DARS2: variants seen among roughly 807,000 people sequenced by gnomAD.
DARS2 encodes the protein aspartate--tRNA ligase, mitochondrial.
Under a neutral mutation model 83.0 loss-of-function variants are expected in DARS2, and 63 were observed. That is an observed-to-expected ratio of 0.76 (90% CI 0.62 to 0.94). The LOEUF is 0.94. Among genes scored for constraint, DARS2 ranks in the 40% least tolerant of loss-of-function variants. The pLI, the probability that DARS2 is intolerant of heterozygous loss-of-function variation, is 0.00. For synonymous variants in DARS2, 250 were observed against 269.3 expected, an observed-to-expected ratio of 0.93 and a Z score of 0.70; for missense variants, 675 against 774.4, an observed-to-expected ratio of 0.87 and a Z score of 1.52.
intron 7 of DARS2, among the ~76,000 whole-genome samples, chr1:173,835,589 G>T (rs1652974449): frequency 6.6e-6 from 1 of 151,626 alleles, no homozygotes; most frequent in South Asian, 2.1e-4. Flanking sequence ...TTATTTTAAA[G>T]AACAAATCTC....
At chr1:173,836,841 T>C in intron 7 of DARS2, 99 bp from the exon 8 acceptor site, 1 of 976,450 alleles carries the variant, frequency 1.0e-6, no homozygotes. Flanking sequence ...AGTCATTCAT[T>C]GATAAACTGA....
intron 3 of DARS2, among the ~76,000 whole-genome samples, chr1:173,828,730 A>T (rs1285100649): frequency 1.3e-5 from 2 of 152,196 alleles, no homozygotes; most frequent in Non-Finnish European, 2.9e-5. Flanking sequence ...TTGACAACAC[A>T]CTGTGTTTGG....
chr1:173,847,609 C>A (rs2102656367), intron 12 of DARS2, among the ~76,000 whole-genome samples: 1 of 152,028 alleles, frequency 6.6e-6, no homozygotes, highest in Non-Finnish European at 1.5e-5. Flanking sequence ...ACACATGGTT[C>A]AAAAAATAAA....
intron 12 of DARS2, among the ~76,000 whole-genome samples, chr1:173,846,257 G>A (rs1653431051): frequency 6.6e-6 from 1 of 152,134 alleles, no homozygotes; most frequent in Non-Finnish European, 1.5e-5. Flanking sequence ...CTTGAACACA[G>A]GAGGTGGAGG....
chr1:173,851,910 GA>G (rs749311234), intron 13 of DARS2: 99 of 985,078 alleles, frequency 1.0e-4, no homozygotes, highest in Non-Finnish European at 1.1e-4. Context: ...GTAAAATGAA[GA>G]AAGCTATTTA....
intron 8 of DARS2, 78 bp from the exon 9 acceptor site, chr1:173,838,112 A>G (rs1653074537): frequency 8.5e-7 from 1 of 1,172,860 alleles, no homozygotes; most frequent in Non-Finnish European, 1.3e-6. Context: ...TATAGCTTGC[A>G]TTGCTTTAAA....
intron 16 of DARS2, 65 bp downstream of exon 16, chr1:173,856,806 C>T: frequency 7.1e-7 from 1 of 1,418,232 alleles, no homozygotes; most frequent in South Asian, 1.2e-5. Flanking sequence ...TTCAGGTTCT[C>T]AGTTTGTGTT....
intron 11 of DARS2, among the ~76,000 whole-genome samples, chr1:173,844,861 T>C (rs536022377): frequency 9.2e-4 from 119 of 129,464 alleles, no homozygotes; most frequent in African/African-American, 3.3e-3. Context: ...TGGCACAATC[T>C]CGGCTCACTG....
At chr1:173,828,769 G>A (rs767609195) in intron 3 of DARS2, among the ~76,000 whole-genome samples, 10 of 152,172 alleles carry the variant, frequency 6.6e-5, no homozygotes, top group Non-Finnish European at 1.3e-4. Context: ...CCTGGAGGGA[G>A]TACAAATTGG....
At position 173,851,248 on chromosome 1, in the gene DARS2, C is replaced by CAA. The variant is rs1303482754; in HGVS notation, c.1344+784_1344+785dup. On this transcript the variant is annotated intron_variant, in intron 13 of 16. Transcript: ENST00000649689. ...TGGCTGACAGAGCCAGACTCCGTCTCAAAAAAAAAAAAAAAAGGGTTTTTT... is the reference window on the plus strand; with the variant it reads ...TGGCTGACAGAGCCAGACTCCGTCTCAAAAAAAAAAAAAAAAAAGGGTTTTTT... Among the ~76,000 whole-genome samples the CAA allele has an allele frequency of 6.9e-3, 718 of 103,710 alleles. 12 individuals carry two copies. The highest frequency in any genetic ancestry group is 0.02 in the African/African-American group (600 of 29,534). The allele number at this position is 103,710 out of a possible 152,430, so 68.0% of individuals were successfully genotyped here.
chr1:173,853,647 G>C, intron 14 of DARS2, 80 bp downstream of exon 14: 1 of 1,558,208 alleles, frequency 6.4e-7, no homozygotes, highest in Non-Finnish European at 8.8e-7. Flanking sequence ...TCTGATGAAA[G>C]ATAGGACCCA....
intron 13 of DARS2, chr1:173,852,340 T>C (rs1653704532): frequency 2.9e-6 from 2 of 690,694 alleles, no homozygotes; most frequent in Non-Finnish European, 3.6e-6. Flanking sequence ...TTAATCCTCA[T>C]GCCAACCCTA....
At chr1:173,840,768 T>C in intron 10 of DARS2, 98 bp from the exon 11 acceptor site, 1 of 738,086 alleles carries the variant, frequency 1.4e-6, no homozygotes, top group South Asian at 1.5e-5. Flanking sequence ...TGTTAAATTA[T>C]CAAGATCTAT....
Position 173,826,665 on chromosome 1 carries a change from C to CT in DARS2, c.128-5dup, listed in dbSNP as rs746151025. 0.088 allele frequency: 107,695 copies of CT among 1,225,068 alleles called. 63 individuals carry two copies. Among genetic ancestry groups the CT allele is most frequent in the Non-Finnish European group, 0.093 (82,762 of 888,144 alleles). The allele number at this position is 1,225,068 out of a possible 1,614,324, so 75.9% of individuals were successfully genotyped here. A position where few individuals can be genotyped will look rare whatever the true frequency, so the allele number is the denominator to read the frequency against. ...TTTTTAATCTTGCCTTTTAAAGTTT[C>CT]TTTTTTTTTTTTTTTTTAAAGAATT... On this transcript the variant is annotated intron_variant, in intron 1 of 16. Coordinates refer to ENST00000649689, the MANE Select transcript of DARS2 (RefSeq NM_018122.5).
chr1:173,841,542 G>A (rs6689764), intron 11 of DARS2, among the ~76,000 whole-genome samples: 13,699 of 151,692 alleles, frequency 0.09, 1,978 homozygotes, highest in African/African-American at 0.31. Context: ...GCCAGGCATA[G>A]TAGCTCATAC....
Position 173,834,455 on chromosome 1 carries a change from A to G in DARS2, c.617-18A>G. ...TCACATTCCTATCTACTAAGTGATA[A>G]TGTTTCTCTCTTTTTAGGGTTTGTG... On this transcript the variant is annotated intron_variant, in intron 6 of 16. Coordinates refer to ENST00000649689, the MANE Select transcript of DARS2 (RefSeq NM_018122.5). 1 of 1,591,534 alleles carries G rather than the reference A, an allele frequency of 6.3e-7. No individual in the cohort carries two copies. Among genetic ancestry groups the G allele is most frequent in the Non-Finnish European group, 8.6e-7 (1 of 1,159,870 alleles).
chr1:173,850,426 G>T lies in DARS2; in HGVS notation c.1291G>T (p.Glu431Ter). ...SQRLELIRLM[E>*]TQEEDVVLLT... ...AAGACTGGAATTAATCAGACTAATG[G>T]AGACCCAAGAGGAAGATGTGGTCCT... The change falls in exon 13 of 17, where the codon GAG becomes TAG. Residue 431 changes from glutamate to a stop codon, truncating the protein, a stop_gained. Coordinates refer to ENST00000649689, the MANE Select transcript of DARS2 (RefSeq NM_018122.5). LOFTEE classifies it high-confidence loss of function. 2 of 1,613,930 alleles carry T rather than the reference G, an allele frequency of 1.2e-6. No homozygotes were observed. The highest frequency in any genetic ancestry group is 1.7e-6 in the Non-Finnish European group (2 of 1,179,952).
At position 173,825,111 on chromosome 1, in the gene DARS2, C is replaced by G. The variant is rs1652426760; in HGVS notation, c.-119C>G. 2.7e-6 allele frequency: 4 copies of G among 1,469,928 alleles called. No homozygotes were observed. Among genetic ancestry groups the G allele is most frequent in the African/African-American group, 1.4e-5 (1 of 71,308 alleles). The allele number at this position is 1,469,928 out of a possible 1,614,324, so 91.1% of individuals were successfully genotyped here. A position where few individuals can be genotyped will look rare whatever the true frequency, so the allele number is the denominator to read the frequency against. Reference sequence around the variant, plus strand: ...TTGTGCGGAGGAGGCCTTAAATATTCGAGAAGAGAGTGGGAACTCCTGGAA... The same window carrying G: ...TTGTGCGGAGGAGGCCTTAAATATTGGAGAAGAGAGTGGGAACTCCTGGAA... On this transcript the variant is annotated 5_prime_UTR_variant, in exon 1 of 17. Transcript: ENST00000649689.
Position 173,839,356 on chromosome 1 carries a change from T to G in DARS2, c.841-11T>G. The stretch of plus-strand genomic sequence containing the variant: ...GGCTAAATTAGTTTCCATATGGTAC[T>G]TTGGTTTCAGATTGACATAGAGATG... On this transcript the variant is annotated splice_polypyrimidine_tract_variant and intron_variant, in intron 9 of 16. Transcript: ENST00000649689. The G allele has an allele frequency of 6.2e-7, 1 of 1,613,808 alleles. No homozygotes were observed.
Sources: gnomAD v4.1 joint callset for allele counts (sites outside exome capture counted in the v4.1 genomes callset) on GRCh38, gnomAD v4.1.1 for gene constraint, MANE v1.5 for transcripts, NCBI Gene and HGNC (gene_info 2026-07-23, HGNC 2026-07-21) for gene names.